KCNJ14: variants seen among roughly 807,000 people sequenced by gnomAD.
KCNJ14 encodes the protein ATP-sensitive inward rectifier potassium channel 14.
In KCNJ14, 18 loss-of-function variants were observed where a neutral mutation model predicts 24.5. That is an observed-to-expected ratio of 0.74 (90% confidence interval 0.51 to 1.09). The LOEUF (loss-of-function observed/expected upper bound fraction) is 1.09. KCNJ14 is among the 50% of genes least tolerant of loss of function. The pLI, the probability that KCNJ14 is intolerant of heterozygous loss-of-function variation, is 0.00. For missense variants in KCNJ14, 633 were observed against 623.0 expected, an observed-to-expected ratio of 1.02 and a Z score of -0.17; for synonymous variants, 288 against 270.8, an observed-to-expected ratio of 1.06 and a Z score of -0.63.
At position 48,461,830 on chromosome 19, in the gene KCNJ14, T is replaced by G. The variant is rs2147493578; in HGVS notation, c.106T>G (p.Trp36Gly). 6.6e-7 allele frequency: 1 copy of G among 1,508,900 alleles called. No homozygotes were observed. Among genetic ancestry groups the G allele is most frequent in the Non-Finnish European group, 8.8e-7 (1 of 1,130,988 alleles). The allele number at this position is 1,508,900 out of a possible 1,614,324, so 93.5% of individuals were successfully genotyped here. ...CGGGCCCGGGTTGTGCCGCAACGGG[T>G]GGGCGCCGGCACCGGTGCAGTCACC... ...EAGPGLCRNG[W>G]APAPVQSPVG... Residue 36 changes from tryptophan (W) to glycine (G), a missense_variant, in exon 2 of 3, where the codon TGG becomes GGG. Transcript: ENST00000342291.
rs1197296238 is a variant in KCNJ14, at chr19:48,461,954, T to C, written c.230T>C (p.Leu77Pro). ...CAGGGCGCGCGCTACCTGAGCGACCTGTTCACCACATGCGTGGACGTGCGC... is the reference window on the plus strand; with the variant it reads ...CAGGGCGCGCGCTACCTGAGCGACCCGTTCACCACATGCGTGGACGTGCGC... Reference protein sequence around the residue: ...GGQGARYLSDLFTTCVDVRWR... With the variant: ...GGQGARYLSDPFTTCVDVRWR... Residue 77 changes from leucine to proline, a missense_variant, in exon 2 of 3, where the codon CTG becomes CCG. By Grantham distance (98) the Leu-to-Pro change is moderately conservative (BLOSUM62 -3). Transcript: ENST00000342291. The C allele has an allele frequency of 6.2e-7, 1 of 1,612,878 alleles. No homozygotes were observed. The highest frequency in any genetic ancestry group is 2.2e-5 in the East Asian group (1 of 44,878).
chr19:48,461,556 A>G, intron 1 of KCNJ14, 114 bp from the exon 2 acceptor site: 1 of 380,248 alleles, frequency 2.6e-6, no homozygotes, highest in Non-Finnish European at 4.6e-6. Context: ...AAAAATGCGT[A>G]TCGTTCCACC....
chr19:48,463,197 A>G (rs536244968), intron 2 of KCNJ14, among the ~76,000 whole-genome samples: 69 of 152,224 alleles, frequency 4.5e-4, no homozygotes, highest in African/African-American at 1.6e-3. Context: ...TCCGTTCCCA[A>G]GAAACTCTGG....
chr19:48,457,825 G>A (rs547978296), intron 1 of KCNJ14, among the ~76,000 whole-genome samples: 12 of 151,972 alleles, frequency 7.9e-5, no homozygotes, highest in African/African-American at 2.7e-4. Flanking sequence ...TTACAGGTGC[G>A]CGCCTGTAAT....
chr19:48,459,958 T>C (rs1228574363), intron 1 of KCNJ14, among the ~76,000 whole-genome samples: 1 of 151,276 alleles, frequency 6.6e-6, no homozygotes, highest in Non-Finnish European at 1.5e-5. Context: ...AGACAGAGAT[T>C]GCAGTGAGCC....
At position 48,461,672 on chromosome 19, in the gene KCNJ14, G is replaced by A. The variant is rs1971598705; in HGVS notation, c.-53G>A. 1 of 1,168,944 alleles carries A rather than the reference G, an allele frequency of 8.6e-7. No homozygotes were observed. The highest frequency in any genetic ancestry group is 1.1e-6 in the Non-Finnish European group (1 of 885,198). 72.4% of individuals were successfully genotyped at this position (1,168,944 alleles called of 1,614,324 possible). On this transcript the variant is annotated splice_region_variant and 5_prime_UTR_variant, in exon 2 of 3. Coordinates refer to ENST00000342291, the MANE Select transcript of KCNJ14 (RefSeq NM_013348.4). Reference sequence around the variant, plus strand: ...TTTCTGCCGGTTTCTTGTCCCAGCAGGTTGGGGGCGCCTGCCCCCCACTAG... The same window carrying A: ...TTTCTGCCGGTTTCTTGTCCCAGCAAGTTGGGGGCGCCTGCCCCCCACTAG...
rs1408639888 is a variant in KCNJ14, at chr19:48,461,680, G to T, written c.-45G>T. The T allele has an allele frequency of 7.9e-7, 1 of 1,264,964 alleles. No homozygotes were observed. Among genetic ancestry groups the T allele is most frequent in the Non-Finnish European group, 1.0e-6 (1 of 972,854 alleles). The allele number at this position is 1,264,964 out of a possible 1,614,324, so 78.4% of individuals were successfully genotyped here. ...GGTTTCTTGTCCCAGCAGGTTGGGG[G>T]CGCCTGCCCCCCACTAGGCCAAGTG... On this transcript the variant is annotated 5_prime_UTR_variant, in exon 2 of 3. Transcript: ENST00000342291.
chr19:48,459,874 C>T (rs1971575737), intron 1 of KCNJ14, among the ~76,000 whole-genome samples: 2 of 152,012 alleles, frequency 1.3e-5, no homozygotes, highest in African/African-American at 4.8e-5. Context: ...ACTAAAAATA[C>T]AAAAGTTAGC....
intron 1 of KCNJ14, among the ~76,000 whole-genome samples, chr19:48,460,463 G>A (rs1971583142): frequency 6.6e-6 from 1 of 151,968 alleles, no homozygotes; most frequent in Non-Finnish European, 1.5e-5. Context: ...GGCTGGTCTC[G>A]AACTCCTGAC....
Position 48,462,510 on chromosome 19 carries a change from A to AGGGGCGTGCGGTCCTGGAG in KCNJ14, c.714+81_714+99dup, listed in dbSNP as rs1192237308. 15 of 1,213,986 alleles carry AGGGGCGTGCGGTCCTGGAG rather than the reference A, an allele frequency of 1.2e-5. No individual in the cohort carries two copies. Among genetic ancestry groups the AGGGGCGTGCGGTCCTGGAG allele is most frequent in the Non-Finnish European group, 1.6e-5 (14 of 897,740 alleles). 75.2% of individuals were successfully genotyped at this position (1,213,986 alleles called of 1,614,324 possible). On this transcript the variant is annotated intron_variant, in intron 2 of 2. Transcript: ENST00000342291. The surrounding 1 kb of genome is among the most constrained non-coding windows in gnomAD (Gnocchi z 4.9). Reference sequence around the variant, plus strand: ...TGTGGGAGATGTAGGCCCGAGGGCGAGGGGCGTGCGGTCCTGGAGGGGGCG... The same window carrying AGGGGCGTGCGGTCCTGGAG: ...TGTGGGAGATGTAGGCCCGAGGGCGAGGGGCGTGCGGTCCTGGAGGGGGCGTGCGGTCCTGGAGGGGGCG...
rs1971600602 is a variant in KCNJ14 at position 48,461,807 on chromosome 19, G to A, written c.83G>A (p.Gly28Glu). ...CGGGCGGGCGATGAAGAGGAGGCCG[G>A]GCCCGGGTTGTGCCGCAACGGGTGG... Reference protein sequence around the residue: ...DSRAGDEEEAGPGLCRNGWAP... With the variant: ...DSRAGDEEEAEPGLCRNGWAP... Residue 28 changes from glycine to glutamate, a missense_variant, in exon 2 of 3, where the codon GGG (glycine) becomes GAG (glutamate). Coordinates refer to ENST00000342291, the MANE Select transcript of KCNJ14 (RefSeq NM_013348.4). 2.7e-6 allele frequency: 4 copies of A among 1,490,382 alleles called. No homozygotes were observed. The highest frequency in any genetic ancestry group is 3.6e-6 in the Non-Finnish European group (4 of 1,122,832). 92.3% of individuals were successfully genotyped at this position (1,490,382 alleles called of 1,614,324 possible).
chr19:48,457,467 C>A (rs1050953598), intron 1 of KCNJ14, among the ~76,000 whole-genome samples: 3 of 152,208 alleles, frequency 2.0e-5, no homozygotes, highest in African/African-American at 7.2e-5. Flanking sequence ...AAGGCCCTTC[C>A]TGGTCTTTTA....
chr19:48,461,669 G>A lies in KCNJ14; in HGVS notation c.-55-1G>A. 4.4e-6 allele frequency: 5 copies of A among 1,134,670 alleles called. No individual in the cohort carries two copies. Among genetic ancestry groups the A allele is most frequent in the Non-Finnish European group, 5.8e-6 (5 of 857,172 alleles). 70.3% of individuals were successfully genotyped at this position (1,134,670 alleles called of 1,614,324 possible). ...ACGTTTCTGCCGGTTTCTTGTCCCA[G>A]CAGGTTGGGGGCGCCTGCCCCCCAC... is the stretch of plus-strand genomic sequence containing the variant. On this transcript the variant is annotated splice_acceptor_variant, in intron 1 of 2. Coordinates refer to ENST00000342291, the MANE Select transcript of KCNJ14 (RefSeq NM_013348.4). LOFTEE classifies it low-confidence loss of function (5UTR_SPLICE).
rs1466078027 is a variant in KCNJ14 at position 48,464,059 on chromosome 19, T to C, written c.715-122T>C. ...CGGCCCCATCTCTTGATCTGTGTTCTCACCCTTTTCTTCACTCCTGTGGTC... is the reference window on the plus strand; with the variant it reads ...CGGCCCCATCTCTTGATCTGTGTTCCCACCCTTTTCTTCACTCCTGTGGTC... On this transcript the variant is annotated intron_variant, in intron 2 of 2. Coordinates refer to ENST00000342291, the MANE Select transcript of KCNJ14 (RefSeq NM_013348.4). 3 of 736,396 alleles carry C rather than the reference T, an allele frequency of 4.1e-6. No homozygotes were observed. The East Asian group carries it at 7.4e-5, about 18-fold the overall frequency. 45.6% of individuals were successfully genotyped at this position (736,396 alleles called of 1,614,324 possible).
At chr19:48,464,064 C>G in intron 2 of KCNJ14, 117 bp from the exon 3 acceptor site, 1 of 756,430 alleles carries the variant, frequency 1.3e-6, no homozygotes, top group South Asian at 1.6e-5. Flanking sequence ...TGTTCTCACC[C>G]TTTTCTTCAC....
chr19:48,460,359 T>C (rs1260606576), intron 1 of KCNJ14, among the ~76,000 whole-genome samples: 3 of 152,108 alleles, frequency 2.0e-5, no homozygotes, highest in Non-Finnish European at 2.9e-5. Flanking sequence ...TTCTCCTGCC[T>C]CAGCCTCCCT....
At position 48,462,371 on chromosome 19, in the gene KCNJ14, T is replaced by C; in HGVS notation, c.647T>C (p.Met216Thr). The C allele has an allele frequency of 2.0e-6, 3 of 1,535,560 alleles. No individual in the cohort carries two copies. Among genetic ancestry groups the C allele is most frequent in the Non-Finnish European group, 2.6e-6 (3 of 1,135,792 alleles). ...VALRDHRLCLMWRVGNLRRSH... is the reference protein window; with the variant it reads ...VALRDHRLCLTWRVGNLRRSH... ...CTGCGCGACCACCGCCTCTGCCTCA[T>C]GTGGCGCGTCGGCAACCTGCGCCGC... The change falls in exon 2 of 3, where the codon ATG becomes ACG. Residue 216 changes from methionine to threonine, a missense_variant. Coordinates refer to ENST00000342291, the MANE Select transcript of KCNJ14 (RefSeq NM_013348.4). The surrounding 1 kb of genome is among the most constrained non-coding windows in gnomAD (Gnocchi z 4.9).
intron 1 of KCNJ14, among the ~76,000 whole-genome samples, chr19:48,457,312 C>T (rs1031238184): frequency 4.6e-5 from 7 of 152,144 alleles, no homozygotes; most frequent in African/African-American, 1.4e-4. Flanking sequence ...AGAGCTGAGG[C>T]TCAGGAAAGG....
At chr19:48,460,209 C>T (rs1046133401) in intron 1 of KCNJ14, among the ~76,000 whole-genome samples, 6 of 152,192 alleles carry the variant, frequency 3.9e-5, no homozygotes, top group African/African-American at 1.4e-4. Flanking sequence ...GCATTCAAAT[C>T]CCAGTTTACT....
Sources: gnomAD v4.1 joint callset for allele counts (sites outside exome capture counted in the v4.1 genomes callset) on GRCh38, gnomAD v4.1.1 for gene constraint, Gnocchi (gnomAD v3.1) non-coding constraint, MANE v1.5 for transcripts, NCBI Gene and HGNC (gene_info 2026-07-23, HGNC 2026-07-21) for gene names.